ACSS1: variants seen among roughly 807,000 people sequenced by gnomAD.
ACSS1 encodes the protein acyl-CoA synthetase short chain family member 1, also known as acetyl-coenzyme A synthetase 2-like, mitochondrial.
Under a neutral mutation model 75.3 loss-of-function variants are expected in ACSS1, and 42 were observed. The observed-to-expected ratio is 0.56, with a 90% CI of 0.44 to 0.72. The LOEUF (loss-of-function observed/expected upper bound fraction) is 0.72, where lower values mean the gene tolerates loss of function less well. Ranked by LOEUF, ACSS1 falls within the 30% of genes least tolerant of loss-of-function variation. ACSS1 has a pLI of 0.00. For synonymous variants in ACSS1, 380 were observed against 376.8 expected (o/e 1.01, Z -0.10); for missense variants, 782 against 935.7 (o/e 0.84, Z 2.14).
chr20:25,006,984 G>A lies in ACSS1; in HGVS notation c.*778C>T. ...CAAAAATCTTTCTGGATCACAGCTT[G>A]AAGAAACAGAACATAACTGGAGTAG... is the stretch of plus-strand genomic sequence containing the variant. On this transcript the variant is annotated 3_prime_UTR_variant, in exon 14 of 14. Transcript: ENST00000323482. 1 of 1,534,646 alleles carries A rather than the reference G, an allele frequency of 6.5e-7. No individual in the cohort carries two copies. The highest frequency in any genetic ancestry group is 8.7e-7 in the Non-Finnish European group (1 of 1,146,318).
intron 2 of ACSS1, among the ~76,000 whole-genome samples, chr20:25,034,674 T>C (rs2088879991): frequency 6.6e-6 from 1 of 152,002 alleles, no homozygotes; most frequent in South Asian, 2.1e-4. Flanking sequence ...GTTCAAACAA[T>C]TCTCCCACCT....
At chr20:25,031,480 A>G (rs2088823563) in intron 2 of ACSS1, among the ~76,000 whole-genome samples, 1 of 152,216 alleles carries the variant, frequency 6.6e-6, no homozygotes, top group Non-Finnish European at 1.5e-5. Context: ...AATGCCAAGG[A>G]TAGCTTTCTT....
chr20:25,006,900 C>A lies in ACSS1; in HGVS notation c.*862G>T, dbSNP rs1198606348. On this transcript the variant is annotated 3_prime_UTR_variant, in exon 14 of 14. Transcript: ENST00000323482. ...GTCACCTGAGTTTCTAATAGCTTCCCTGAAGAACCCAACTATTTGGAGTAT... is the reference window on the plus strand; with the variant it reads ...GTCACCTGAGTTTCTAATAGCTTCCATGAAGAACCCAACTATTTGGAGTAT... 2 of 1,535,470 alleles carry A rather than the reference C, an allele frequency of 1.3e-6. No homozygotes were observed. The highest frequency in any genetic ancestry group is 8.7e-7 in the Non-Finnish European group (1 of 1,146,732).
chr20:25,009,925 C>T (rs2088375743), intron 12 of ACSS1: 1 of 154,148 alleles, frequency 6.5e-6, no homozygotes, highest in African/African-American at 2.4e-5. Flanking sequence ...GGCTGCCACC[C>T]TGGACAACAC....
chr20:25,016,016 C>G (rs2088509635), intron 7 of ACSS1, among the ~76,000 whole-genome samples: 1 of 152,216 alleles, frequency 6.6e-6, no homozygotes, highest in Non-Finnish European at 1.5e-5. Context: ...CTCAGCAGCT[C>G]TGCTCATGTT....
intron 9 of ACSS1, 52 bp from the exon 10 acceptor site, chr20:25,013,714 G>C: frequency 6.4e-7 from 1 of 1,556,566 alleles, no homozygotes; most frequent in Non-Finnish European, 8.7e-7. Flanking sequence ...GGTGAGAAGT[G>C]TGCCAAAAAA....
chr20:25,023,157 C>A, intron 4 of ACSS1, 65 bp from the exon 5 acceptor site: 1 of 1,544,252 alleles, frequency 6.5e-7, no homozygotes, highest in Non-Finnish European at 8.7e-7. Context: ...CAGCACTCCC[C>A]CTCCGCAGCA....
At chr20:25,023,360 TG>T in intron 4 of ACSS1, 105 bp downstream of exon 4, 2 of 1,361,050 alleles carry the variant, frequency 1.5e-6, no homozygotes, top group Non-Finnish European at 1.0e-6. Flanking sequence ...AGAGGAACCC[TG>T]GGCACCTCTA....
intron 1 of ACSS1, among the ~76,000 whole-genome samples, chr20:25,055,918 C>T (rs991963893): frequency 4.6e-5 from 7 of 152,106 alleles, no homozygotes; most frequent in African/African-American, 1.2e-4. Context: ...TTGCAGACAC[C>T]GGCAAAGGAA....
chr20:25,049,765 C>T (rs998068414), intron 1 of ACSS1, among the ~76,000 whole-genome samples: 14 of 152,096 alleles, frequency 9.2e-5, no homozygotes, highest in Admixed American at 5.9e-4. Flanking sequence ...AGTTAAGCTG[C>T]CTGGCCAAGG....
chr20:25,022,817 T>C (rs1376422013), intron 5 of ACSS1, 123 bp downstream of exon 5: 12 of 1,334,528 alleles, frequency 9.0e-6, no homozygotes, highest in African/African-American at 8.9e-5. Flanking sequence ...CTGCCCCGAA[T>C]AGGCCAGGAA....
At chr20:25,041,600 C>G (rs140648390) in intron 2 of ACSS1, among the ~76,000 whole-genome samples, 2,198 of 152,348 alleles carry the variant, frequency 0.014, 53 homozygotes, top group African/African-American at 0.049. Flanking sequence ...GGGAGCCCTT[C>G]CACAAAAGTG....
At chr20:25,057,734 T>C (rs1201944598) in intron 1 of ACSS1, 35 bp downstream of exon 1, 4 of 1,516,716 alleles carry the variant, frequency 2.6e-6, no homozygotes, top group Non-Finnish European at 3.6e-6. Context: ...GACCCAAGAG[T>C]TGGGGGCGTC....
chr20:25,044,874 G>T (rs1214830169), intron 2 of ACSS1, among the ~76,000 whole-genome samples: 1 of 152,212 alleles, frequency 6.6e-6, no homozygotes, highest in African/African-American at 2.4e-5. Flanking sequence ...GTGGCAGACT[G>T]CCCTGGGAGA....
intron 2 of ACSS1, among the ~76,000 whole-genome samples, chr20:25,038,655 C>G (rs2088954435): frequency 6.6e-6 from 1 of 152,188 alleles, no homozygotes; most frequent in South Asian, 2.1e-4. Flanking sequence ...AGGAAGCCCT[C>G]ACCTGCACAG....
chr20:25,023,297 G>A (rs1295444887), intron 4 of ACSS1, among the ~76,000 whole-genome samples, 169 bp downstream of exon 4: 3 of 152,206 alleles, frequency 2.0e-5, no homozygotes, highest in African/African-American at 2.4e-5. Flanking sequence ...CAACATGCTT[G>A]TCGTATAGGA....
Position 25,057,853 on chromosome 20 carries a change from C to G in ACSS1, c.250G>C (p.Asp84His), listed in dbSNP as rs2089266517. The G allele has an allele frequency of 3.7e-6, 6 of 1,612,672 alleles. No homozygotes were observed. The highest frequency in any genetic ancestry group is 1.3e-5 in the African/African-American group (1 of 75,014). ...TCCCAGACGGTGTGGTAGGGGGTGT[C>G]CCACACGAGAGTGTCCCGCGCCAGA... is the stretch of plus-strand genomic sequence containing the variant. ...GPLARDTLVW[D>H]TPYHTVWDCD... The change falls in exon 1 of 14, where the codon GAC becomes CAC. Residue 84 changes from aspartate to histidine, a missense_variant. Coordinates refer to ENST00000323482, the MANE Select transcript of ACSS1 (RefSeq NM_032501.4).
intron 1 of ACSS1, among the ~76,000 whole-genome samples, chr20:25,053,268 G>A (rs1343521699): frequency 2.1e-5 from 3 of 142,998 alleles, no homozygotes; most frequent in Non-Finnish European, 4.5e-5. Context: ...TTCTCACTAC[G>A]TTGCCAGGCT....
intron 2 of ACSS1, among the ~76,000 whole-genome samples, chr20:25,047,049 A>G (rs1354795197): frequency 1.3e-5 from 2 of 152,242 alleles, no homozygotes; most frequent in Non-Finnish European, 2.9e-5. Flanking sequence ...ATCCACTAGC[A>G]TCACTCGTCT....
Sources: allele counts gnomAD v4.1 joint callset (sites outside exome capture counted in the v4.1 genomes callset), GRCh38; gene constraint gnomAD v4.1.1; transcripts MANE v1.5; gene names NCBI Gene and HGNC (gene_info 2026-07-23, HGNC 2026-07-21).